Variants in DST observed in about 807,000 individuals in gnomAD.
The protein encoded by DST is dystonin.
In DST, 253 loss-of-function variants were observed where a neutral mutation model predicts 875.2. The observed-to-expected ratio is 0.29, with a 90% CI of 0.26 to 0.32. DST has a LOEUF of 0.32. Among genes scored for constraint, DST ranks in the 10% least tolerant of loss-of-function variants. The pLI, the probability that DST is intolerant of heterozygous loss-of-function variation, is 1.00. For missense variants in DST, 8,287 were observed against 9,111.6 expected (o/e 0.91, Z 3.68); for synonymous variants, 3,124 against 3,197.1 (o/e 0.98, Z 0.77).
intron 5 of DST, among the ~76,000 whole-genome samples, chr6:56,719,492 T>C (rs1257451129): frequency 1.3e-5 from 2 of 152,184 alleles, no homozygotes; most frequent in African/African-American, 2.4e-5. Flanking sequence ...AAAGGAAACA[T>C]TTCCTCAGTT....
intron 4 of DST, among the ~76,000 whole-genome samples, chr6:56,784,882 G>A (rs930576211): frequency 3.9e-5 from 6 of 152,114 alleles, no homozygotes; most frequent in African/African-American, 1.4e-4. Flanking sequence ...CTTTGATGAT[G>A]GTGATGTACA....
intron 81 of DST, 42 bp from the exon 82 acceptor site, chr6:56,497,549 T>C: frequency 1.2e-6 from 2 of 1,600,870 alleles, no homozygotes; most frequent in Non-Finnish European, 1.7e-6. Context: ...ATAAACACTG[T>C]CAGTTTCAAG....
At chr6:56,840,226 T>C (rs140282959) in intron 4 of DST, among the ~76,000 whole-genome samples, 6 of 152,262 alleles carry the variant, frequency 3.9e-5, no homozygotes, top group Admixed American at 1.3e-4. Flanking sequence ...ATTAATCATT[T>C]ATAATAACAG....
intron 43 of DST, 87 bp downstream of exon 43, chr6:56,602,795 T>A (rs1226179335): frequency 9.6e-6 from 10 of 1,041,304 alleles, no homozygotes; most frequent in Non-Finnish European, 1.3e-5. Context: ...TTTGTAGCCT[T>A]AGCAAAGTCA....
intron 9 of DST, among the ~76,000 whole-genome samples, chr6:56,684,489 T>C (rs2152847285): frequency 6.6e-6 from 1 of 152,330 alleles, no homozygotes; most frequent in Middle Eastern, 3.4e-3. Context: ...AGCAGAGATA[T>C]TTGGCGGATG....
chr6:56,809,485 T>C (rs934841275), intron 4 of DST, among the ~76,000 whole-genome samples: 5 of 152,268 alleles, frequency 3.3e-5, no homozygotes, highest in Non-Finnish European at 5.9e-5. Flanking sequence ...TATTGCCATC[T>C]TATGATGATT....
chr6:56,792,471 A>AT (rs892290249), intron 4 of DST, among the ~76,000 whole-genome samples: 87 of 148,548 alleles, frequency 5.9e-4, no homozygotes, highest in Middle Eastern at 6.9e-3. Flanking sequence ...TAAATGATCG[A>AT]TTTTTTTTTT....
chr6:56,815,749 T>C (rs2099765748), intron 4 of DST, among the ~76,000 whole-genome samples: 1 of 152,158 alleles, frequency 6.6e-6, no homozygotes, highest in African/African-American at 2.4e-5. Flanking sequence ...ATTGTAAACA[T>C]CTGGTTTCCC....
rs2098863341 is a variant in DST, at chr6:56,639,443, T to G, written c.2859+7A>C. 6.2e-7 allele frequency: 1 copy of G among 1,613,612 alleles called. No homozygotes were observed. Among genetic ancestry groups the G allele is most frequent in the Admixed American group, 1.7e-5 (1 of 59,984 alleles). ...CCCTAGTATGCAAGTACAAAGGGTG[T>G]ACTTACAGCATGATAATCTTTTTTC... On this transcript the variant is annotated splice_region_variant and intron_variant, in intron 21 of 103. Transcript: ENST00000680361.
chr6:56,657,319 A>G (rs1463204942), intron 10 of DST, among the ~76,000 whole-genome samples: 1 of 152,160 alleles, frequency 6.6e-6, no homozygotes, highest in Non-Finnish European at 1.5e-5. Flanking sequence ...AAAAGAACAC[A>G]TTTAAATGTT....
Position 56,557,368 on chromosome 6 carries a change from G to T in DST, c.14591C>A (p.Pro4864His), listed in dbSNP as rs748739263. 4 of 1,613,446 alleles carry T rather than the reference G, an allele frequency of 2.5e-6. No individual in the cohort carries two copies. Among genetic ancestry groups the T allele is most frequent in the Non-Finnish European group, 3.4e-6 (4 of 1,179,680 alleles). ...TAGCATATTTGGGTCAATTGACAAG[G>T]GCCCAAGAACACTGACCATAAGTTC... ...EKELMVSVLG[P>H]LSIDPNMLNT... The change falls in exon 59 of 104, where the codon CCC becomes CAC. Residue 4864 changes from proline to histidine, a missense_variant. Pro to His is a moderately conservative substitution (Grantham distance 77). Coordinates refer to ENST00000680361, the MANE Select transcript of DST (RefSeq NM_001374736.1).
intron 16 of DST, 139 bp downstream of exon 16, chr6:56,642,271 A>G: frequency 1.2e-6 from 1 of 868,854 alleles, no homozygotes; most frequent in Non-Finnish European, 1.9e-6. Flanking sequence ...GCAAACACCA[A>G]TCATAATCTT....
Position 56,617,344 on chromosome 6 carries a change from A to G in DST, c.4930-2860T>C, listed in dbSNP as rs766230887. 16 of 1,613,910 alleles carry G rather than the reference A, an allele frequency of 9.9e-6. No individual in the cohort carries two copies. The East Asian group carries it at 3.1e-4, about 31-fold the overall frequency. ...ACCCTTCAAGCATCCATTCTTCAGCACTGGGAACTGGGTTCTTTTCTTGTT... is the reference window on the plus strand; with the variant it reads ...ACCCTTCAAGCATCCATTCTTCAGCGCTGGGAACTGGGTTCTTTTCTTGTT... On this transcript the variant is annotated intron_variant, in intron 36 of 103. Transcript: ENST00000680361.
chr6:56,485,153 C>T, intron 88 of DST, 159 bp downstream of exon 88: 3 of 735,742 alleles, frequency 4.1e-6, no homozygotes, highest in South Asian at 4.4e-5. Flanking sequence ...AGTTTGCTTC[C>T]AGGTTCTGCT....
intron 36 of DST, 87 bp from the exon 37 acceptor site, chr6:56,614,571 A>T: frequency 7.4e-7 from 1 of 1,357,014 alleles, no homozygotes; most frequent in Non-Finnish European, 9.5e-7. Context: ...ACAAGAATGT[A>T]AAAATTTTTT....
chr6:56,910,317 C>T (rs1798299877), intron 2 of DST, among the ~76,000 whole-genome samples: 1 of 152,092 alleles, frequency 6.6e-6, no homozygotes, highest in Non-Finnish European at 1.5e-5. Flanking sequence ...CCTGTATGCA[C>T]CACTACATCC....
intron 58 of DST, 54 bp downstream of exon 58, chr6:56,560,240 T>A: frequency 6.8e-7 from 1 of 1,479,184 alleles, no homozygotes; most frequent in Non-Finnish European, 9.1e-7. Context: ...ATGATAAACA[T>A]GAAAAATGAT....
chr6:56,822,179 A>G (rs2099773791), intron 4 of DST, among the ~76,000 whole-genome samples: 1 of 152,252 alleles, frequency 6.6e-6, no homozygotes. Context: ...ACTGTAAATA[A>G]CTAAATATAC....
In DST at chr6:56,714,230, A is replaced by C. The variant is rs1468168110; in HGVS notation, c.688-9861T>G. On this transcript the variant is annotated intron_variant, in intron 5 of 103. Coordinates refer to ENST00000680361, the MANE Select transcript of DST (RefSeq NM_001374736.1). This position sits in a 1 kb window ranked among gnomAD's most constrained non-coding sequence, Gnocchi z 4.5. ...ATGTTTGGAATGGAATTATAAATACAGGTTTATTCTTTTAATTACTTAATT... is the reference window on the plus strand; with the variant it reads ...ATGTTTGGAATGGAATTATAAATACCGGTTTATTCTTTTAATTACTTAATT... Among the ~76,000 whole-genome samples the C allele has an allele frequency of 6.6e-5, 10 of 152,230 alleles. No homozygotes were observed. Among genetic ancestry groups the C allele is most frequent in the Admixed American group, 6.5e-4 (10 of 15,284 alleles).
Sources: allele counts gnomAD v4.1 joint callset (sites outside exome capture counted in the v4.1 genomes callset), GRCh38; gene constraint gnomAD v4.1.1; non-coding constraint Gnocchi (gnomAD v3.1); transcripts MANE v1.5; gene names NCBI Gene and HGNC (gene_info 2026-07-23, HGNC 2026-07-21).